GIT2: variants seen among roughly 807,000 people sequenced by gnomAD.
The protein encoded by GIT2 is ARF GTPase-activating protein GIT2.
GIT2 carries 32 observed loss-of-function variants against 100.3 expected under a neutral mutation model. That is an observed-to-expected ratio of 0.32 (90% confidence interval 0.24 to 0.43). GIT2 has a LOEUF of 0.43. Among genes scored for constraint, GIT2 ranks in the 20% least tolerant of loss-of-function variants. GIT2 has a pLI of 1.00. For synonymous variants in GIT2, 353 were observed against 364.1 expected (o/e 0.97, Z 0.35); for missense variants, 737 against 975.1 (o/e 0.76, Z 3.25).
intron 8 of GIT2, 42 bp from the exon 9 acceptor site, chr12:109,965,619 A>C (rs1882138895): frequency 8.0e-7 from 1 of 1,249,182 alleles, no homozygotes; most frequent in Non-Finnish European, 1.2e-6. Flanking sequence ...AAATAAAGCC[A>C]GACTTGTGAA....
At chr12:109,960,014 TAGTCACATAAA>T (rs1392326397) in intron 11 of GIT2, 56 bp from the exon 12 acceptor site, 1 of 1,149,612 alleles carries the variant, frequency 8.7e-7, no homozygotes, top group African/African-American at 1.5e-5. Context: ...TATACATAAA[TAGTCACATAAA>T]ACTAGTCAGA....
intron 7 of GIT2, among the ~76,000 whole-genome samples, chr12:109,968,120 A>G (rs1230933887): frequency 1.3e-5 from 2 of 152,218 alleles, no homozygotes; most frequent in Admixed American, 1.3e-4. Context: ...TATATGGTAA[A>G]TGTATGTTTA....
chr12:109,935,031 T>C (rs913895379), intron 18 of GIT2, among the ~76,000 whole-genome samples: 1 of 151,872 alleles, frequency 6.6e-6, no homozygotes, highest in African/African-American at 2.4e-5. Flanking sequence ...TGAGCCAAGA[T>C]TGTGCCACTG....
chr12:109,970,457 C>T (rs1041515012), intron 7 of GIT2, among the ~76,000 whole-genome samples: 1 of 152,208 alleles, frequency 6.6e-6, no homozygotes, highest in Non-Finnish European at 1.5e-5. Flanking sequence ...CCCACCACTG[C>T]ACTCCAGCCT....
At chr12:109,952,780 C>T in intron 13 of GIT2, 1 of 465,664 alleles carries the variant, frequency 2.1e-6, no homozygotes, top group Non-Finnish European at 4.0e-6. Flanking sequence ...TTCTCTCTCT[C>T]CTAGGCAATG....
chr12:109,963,318 T>C (rs1428081810), intron 9 of GIT2, among the ~76,000 whole-genome samples: 2 of 152,186 alleles, frequency 1.3e-5, no homozygotes, highest in East Asian at 1.9e-4. Flanking sequence ...TGTTGAAGGA[T>C]TGGGAGCTTG....
intron 18 of GIT2, among the ~76,000 whole-genome samples, chr12:109,936,558 G>A (rs146282091): frequency 6.6e-6 from 1 of 152,284 alleles, no homozygotes; most frequent in Non-Finnish European, 1.5e-5. Context: ...ATTGAATCAT[G>A]ATTACATTAA....
Position 109,931,389 on chromosome 12 carries a change from G to A in GIT2, c.*1589C>T, listed in dbSNP as rs1465591498. On this transcript the variant is annotated 3_prime_UTR_variant, in exon 20 of 20. Transcript: ENST00000355312. ...ACACTGCACAGCTTACAGGGCCCTGGGGTGGGGGCTGTGAGCTGGCAGCCT... is the reference window on the plus strand; with the variant it reads ...ACACTGCACAGCTTACAGGGCCCTGAGGTGGGGGCTGTGAGCTGGCAGCCT... 1.3e-5 allele frequency: 2 copies of A among 152,274 alleles called. No individual in the cohort carries two copies. The highest frequency in any genetic ancestry group is 6.5e-5 in the Admixed American group (1 of 15,284). The allele number at this position is 152,274 out of a possible 1,614,324, so 9.4% of individuals were successfully genotyped here.
At chr12:109,939,375 ACT>A in intron 16 of GIT2, 128 bp from the exon 17 acceptor site, 1 of 622,718 alleles carries the variant, frequency 1.6e-6, no homozygotes, top group South Asian at 1.8e-5. Flanking sequence ...ACAGGGGACA[ACT>A]CTCTAGTGAA....
At chr12:109,988,919 T>C in intron 4 of GIT2, 44 bp downstream of exon 4, 1 of 1,018,612 alleles carries the variant, frequency 9.8e-7, no homozygotes. Flanking sequence ...AACAATATGC[T>C]GTCTCAGCCC....
intron 10 of GIT2, 66 bp downstream of exon 10, chr12:109,961,547 G>A: frequency 9.1e-7 from 1 of 1,100,872 alleles, no homozygotes; most frequent in Non-Finnish European, 1.4e-6. Flanking sequence ...GTAAAACACT[G>A]AGCCTGGCAG....
At chr12:109,995,203 T>C (rs908143563) in intron 1 of GIT2, among the ~76,000 whole-genome samples, 2 of 152,160 alleles carry the variant, frequency 1.3e-5, no homozygotes, top group African/African-American at 2.4e-5. Context: ...ACCTGACAAT[T>C]CAGTTGCAAT....
rs1192905667 is a variant in GIT2 at position 109,932,825 on chromosome 12, A to C, written c.*153T>G. The C allele has an allele frequency of 1.0e-5, 6 of 601,440 alleles. No individual in the cohort carries two copies. In the Admixed American group the frequency reaches 1.8e-4, roughly 18 times the overall value. 37.3% of individuals were successfully genotyped at this position (601,440 alleles called of 1,614,324 possible). A position where few individuals can be genotyped will look rare whatever the true frequency, so the allele number is the denominator to read the frequency against. Reference sequence around the variant, plus strand: ...GGTTAAATAGTTGAAAATTGGTTAGAAAACATGCAAAAATAATACTGAGTT... The same window carrying C: ...GGTTAAATAGTTGAAAATTGGTTAGCAAACATGCAAAAATAATACTGAGTT... On this transcript the variant is annotated 3_prime_UTR_variant, in exon 20 of 20. Coordinates refer to ENST00000355312, the MANE Select transcript of GIT2 (RefSeq NM_057169.5).
Position 109,983,593 on chromosome 12 carries a change from T to C in GIT2, c.492+15A>G. ...CACTTAGTTTCAATATCTGAAGCAA[T>C]TCATGTTTTCTTACAGGATGAAAGA... On this transcript the variant is annotated intron_variant, in intron 5 of 19. Transcript: ENST00000355312. 1.2e-6 allele frequency: 2 copies of C among 1,601,410 alleles called. No homozygotes were observed. Among genetic ancestry groups the C allele is most frequent in the Non-Finnish European group, 1.7e-6 (2 of 1,168,666 alleles).
chr12:109,937,378 G>A (rs775473021), intron 18 of GIT2, among the ~76,000 whole-genome samples: 24 of 152,190 alleles, frequency 1.6e-4, no homozygotes, highest in African/African-American at 3.1e-4. Context: ...CGTGCAAGGC[G>A]TGAAGAAAGT....
intron 12 of GIT2, among the ~76,000 whole-genome samples, chr12:109,958,099 CATG>C (rs1230282268): frequency 0.01 from 1,520 of 151,878 alleles, 28 homozygotes; most frequent in Middle Eastern, 0.037. Flanking sequence ...TACCCACCAC[CATG>C]CCTGGCTAAT....
intron 12 of GIT2, among the ~76,000 whole-genome samples, chr12:109,959,126 G>C (rs1880363460): frequency 6.7e-6 from 1 of 150,328 alleles, no homozygotes; most frequent in Non-Finnish European, 1.5e-5. Context: ...GGAGTGCAGT[G>C]GTGCAATCTC....
At chr12:109,953,303 A>G in intron 12 of GIT2, 69 bp from the exon 13 acceptor site, 2 of 1,539,532 alleles carry the variant, frequency 1.3e-6, no homozygotes, top group Non-Finnish European at 1.8e-6. Context: ...AACTACGGAG[A>G]GGATTTTTTG....
chr12:109,949,523 G>A (rs937233741), intron 14 of GIT2, among the ~76,000 whole-genome samples: 7 of 152,150 alleles, frequency 4.6e-5, no homozygotes, highest in Admixed American at 6.5e-5. Context: ...TTTTAATGAC[G>A]TTTATCTTAA....
Sources: allele counts gnomAD v4.1 joint callset (sites outside exome capture counted in the v4.1 genomes callset), GRCh38; gene constraint gnomAD v4.1.1; transcripts MANE v1.5; gene names NCBI Gene and HGNC (gene_info 2026-07-23, HGNC 2026-07-21).